FGF1: variants seen among roughly 807,000 people sequenced by gnomAD.
The protein encoded by FGF1 is fibroblast growth factor 1.
A neutral mutation model predicts 13.4 loss-of-function variants in FGF1; 9 were observed. The observed-to-expected ratio is 0.67, with a 90% CI of 0.40 to 1.17. The LOEUF is 1.17. Among genes scored for constraint, FGF1 ranks in the 50% most tolerant of loss-of-function variants. The pLI, the probability that FGF1 is intolerant of heterozygous loss-of-function variation, is 0.01. For missense variants in FGF1, 156 were observed against 192.7 expected, an observed-to-expected ratio of 0.81 and a Z score of 1.13; for synonymous variants, 93 against 79.0, an observed-to-expected ratio of 1.18 and a Z score of -0.94.
chr5:142,607,045 C>T (rs188408456), intron 2 of FGF1, among the ~76,000 whole-genome samples: 4 of 152,246 alleles, frequency 2.6e-5, no homozygotes, highest in South Asian at 2.1e-4. Context: ...GTTAAAGCTC[C>T]GTTCATAGTC....
chr5:142,641,345 T>C, intron 1 of FGF1, among the ~76,000 whole-genome samples: 1 of 152,068 alleles, frequency 6.6e-6, no homozygotes. Context: ...AGGGTTCACT[T>C]AGGGTTTCTT....
chr5:142,598,109 G>A (rs1755683565), intron 3 of FGF1, among the ~76,000 whole-genome samples: 1 of 152,220 alleles, frequency 6.6e-6, no homozygotes, highest in African/African-American at 2.4e-5. Context: ...TTTGATGCAT[G>A]TTGTTGGGGG....
intron 3 of FGF1, 53 bp from the exon 4 acceptor site, chr5:142,595,537 G>T: frequency 6.7e-7 from 1 of 1,495,902 alleles, no homozygotes; most frequent in Non-Finnish European, 9.2e-7. Flanking sequence ...AGTTTCACAT[G>T]GGGGTCCCCA....
intron 1 of FGF1, among the ~76,000 whole-genome samples, chr5:142,678,741 C>T (rs1014360346): frequency 1.3e-5 from 2 of 152,212 alleles, no homozygotes; most frequent in South Asian, 2.1e-4. Flanking sequence ...TTTATAAGAC[C>T]TTTCTGTGTC....
intron 1 of FGF1, among the ~76,000 whole-genome samples, chr5:142,641,937 G>T (rs1390053775): frequency 6.6e-6 from 1 of 151,994 alleles, no homozygotes; most frequent in African/African-American, 2.4e-5. Context: ...GTTTACAAAT[G>T]GAATATGTAA....
chr5:142,680,689 A>T lies in FGF1; in HGVS notation c.-35+5268T>A, dbSNP rs78659946. The T allele has an allele frequency of 1.9e-3, 297 of 152,342 alleles. 1 individual carries two copies. Among genetic ancestry groups the T allele is most frequent in the African/African-American group, 7.0e-3 (290 of 41,572 alleles). The allele number at this position is 152,342 out of a possible 1,614,324, so 9.4% of individuals were successfully genotyped here. A position where few individuals can be genotyped will look rare whatever the true frequency, so the allele number is the denominator to read the frequency against. On this transcript the variant is annotated intron_variant, in intron 1 of 3. Transcript: ENST00000337706. ...ATGTACCAAATGTGCTGTTATTGTT[A>T]TCATAATAGGGGTGGTCTCACCAGG...
intron 2 of FGF1, among the ~76,000 whole-genome samples, chr5:142,606,790 C>T (rs1214401578): frequency 6.6e-6 from 1 of 152,136 alleles, no homozygotes; most frequent in Non-Finnish European, 1.5e-5. Flanking sequence ...TTCCTTCATC[C>T]TAACTCTATT....
chr5:142,681,835 G>A (rs899353031), intron 1 of FGF1, among the ~76,000 whole-genome samples: 7 of 152,118 alleles, frequency 4.6e-5, no homozygotes, highest in South Asian at 2.1e-4. Context: ...TATATGCAGC[G>A]TTGTCATGAG....
At chr5:142,661,794 G>A (rs1390082708) in intron 1 of FGF1, among the ~76,000 whole-genome samples, 1 of 152,098 alleles carries the variant, frequency 6.6e-6, no homozygotes, top group African/African-American at 2.4e-5. Flanking sequence ...ACGAGGTCAG[G>A]AGATTGAGAC....
chr5:142,647,432 C>T (rs142139280), intron 1 of FGF1, among the ~76,000 whole-genome samples: 5 of 152,310 alleles, frequency 3.3e-5, no homozygotes, highest in African/African-American at 1.2e-4. Context: ...CTCACCACCG[C>T]GTTGAGGTAG....
intron 2 of FGF1, 69 bp from the exon 3 acceptor site, chr5:142,600,874 G>A (rs1253259376): frequency 2.6e-6 from 3 of 1,153,442 alleles, no homozygotes; most frequent in Non-Finnish European, 2.6e-6. Context: ...CCGGCAGCCA[G>A]GACAGTTGGC....
At chr5:142,613,292 C>T (rs1759467435) in intron 2 of FGF1, among the ~76,000 whole-genome samples, 1 of 152,162 alleles carries the variant, frequency 6.6e-6, no homozygotes, top group African/African-American at 2.4e-5. Flanking sequence ...AGAGTCATAC[C>T]TTCATTTGTC....
intron 1 of FGF1, among the ~76,000 whole-genome samples, chr5:142,672,257 A>G (rs1771609271): frequency 6.6e-6 from 1 of 152,188 alleles, no homozygotes; most frequent in African/African-American, 2.4e-5. Flanking sequence ...AAAATTCCTG[A>G]AATTTTCTAT....
At chr5:142,630,071 T>G (rs1763120663) in intron 1 of FGF1, among the ~76,000 whole-genome samples, 1 of 151,928 alleles carries the variant, frequency 6.6e-6, no homozygotes, top group Non-Finnish European at 1.5e-5. Flanking sequence ...TTTTTGTATT[T>G]TTAGTAGAGA....
chr5:142,655,781 G>A (rs1442372675), intron 1 of FGF1, among the ~76,000 whole-genome samples: 1 of 152,228 alleles, frequency 6.6e-6, no homozygotes, highest in Non-Finnish European at 1.5e-5. Context: ...GAACGGGAGA[G>A]CCAGAGCAGC....
At chr5:142,619,248 T>A (rs1760988554) in intron 1 of FGF1, among the ~76,000 whole-genome samples, 1 of 152,214 alleles carries the variant, frequency 6.6e-6, no homozygotes, top group African/African-American at 2.4e-5. Flanking sequence ...GTTTTGTTTT[T>A]AATCCCTGTC....
intron 3 of FGF1, among the ~76,000 whole-genome samples, chr5:142,596,308 AT>A (rs113375357): frequency 2.8e-3 from 375 of 136,166 alleles, no homozygotes; most frequent in African/African-American, 9.3e-3. Flanking sequence ...ATTCTCTACA[AT>A]TTTTTTTTTA....
At chr5:142,663,249 GAAAAAAA>G (rs60474431) in intron 1 of FGF1, among the ~76,000 whole-genome samples, 52 of 138,724 alleles carry the variant, frequency 3.7e-4, no homozygotes, top group African/African-American at 8.9e-4. Flanking sequence ...AATCAGGAAA[GAAAAAAA>G]AAAAAAAGAA....
intron 1 of FGF1, among the ~76,000 whole-genome samples, chr5:142,676,028 C>T (rs551603725): frequency 6.6e-6 from 1 of 152,240 alleles, no homozygotes; most frequent in East Asian, 1.9e-4. Context: ...CTGCCCTGGG[C>T]GTAACCTCTT....
Sources: allele counts gnomAD v4.1 joint callset (sites outside exome capture counted in the v4.1 genomes callset), GRCh38; gene constraint gnomAD v4.1.1; transcripts MANE v1.5; gene names NCBI Gene and HGNC (gene_info 2026-07-23, HGNC 2026-07-21).